DIAPH1: variants seen among roughly 807,000 people sequenced by gnomAD.
The protein encoded by DIAPH1 is diaphanous related formin 1.
In DIAPH1, 46 loss-of-function variants were observed where a neutral mutation model predicts 140.7. The ratio of observed to expected loss-of-function variants is 0.33; its 90% CI spans 0.26 to 0.42. DIAPH1 has a LOEUF of 0.42. Among genes scored for constraint, DIAPH1 ranks in the 10% least tolerant of loss-of-function variants. The pLI is 1.00. For synonymous variants in DIAPH1, 565 were observed against 551.6 expected (o/e 1.02, Z -0.34); for missense variants, 1,310 against 1,558.7 (o/e 0.84, Z 2.69).
chr5:141,522,699 A>G (rs190719399), intron 27 of DIAPH1, among the ~76,000 whole-genome samples: 15 of 152,322 alleles, frequency 9.8e-5, no homozygotes, highest in African/African-American at 3.6e-4. Context: ...GAACCTATAA[A>G]GACAAAATAC....
At chr5:141,534,033 C>CAAAAAAA (rs35815835) in intron 19 of DIAPH1, among the ~76,000 whole-genome samples, 1 of 49,982 alleles carries the variant, frequency 2.0e-5, no homozygotes, top group African/African-American at 8.4e-5. Context: ...GACTGTGTCT[C>CAAAAAAA]AAAAAAAAAA....
At position 141,548,280 on chromosome 5, in the gene DIAPH1, T is replaced by TAA. The variant is rs11377976; in HGVS notation, c.2483-13849_2483-13848dup. Among the ~76,000 whole-genome samples, 569 of 134,902 alleles carry TAA rather than the reference T, an allele frequency of 4.2e-3. 1 individual carries two copies. Among genetic ancestry groups the TAA allele is most frequent in the Middle Eastern group, 0.012 (3 of 258 alleles). The allele number at this position is 134,902 out of a possible 152,430, so 88.5% of individuals were successfully genotyped here. ...CAATAAGACTGACAGTGGAATTCTT[T>TAA]AAAAAAAAAAAAAAGAAAAAACATC... is the stretch of plus-strand genomic sequence containing the variant. On this transcript the variant is annotated intron_variant, in intron 18 of 27. Coordinates refer to ENST00000389054, the MANE Select transcript of DIAPH1 (RefSeq NM_005219.5).
intron 18 of DIAPH1, among the ~76,000 whole-genome samples, chr5:141,545,635 C>T (rs2099890678): frequency 6.6e-6 from 1 of 151,870 alleles, no homozygotes; most frequent in Non-Finnish European, 1.5e-5. Flanking sequence ...AGAATGAGAC[C>T]CTGTCTCAGA....
intron 18 of DIAPH1, among the ~76,000 whole-genome samples, chr5:141,556,571 C>T (rs1055515638): frequency 6.6e-6 from 1 of 152,214 alleles, no homozygotes; most frequent in African/African-American, 2.4e-5. Flanking sequence ...GGCATTGCTC[C>T]TTCACTTGGT....
At chr5:141,533,988 A>C (rs550913974) in intron 19 of DIAPH1, among the ~76,000 whole-genome samples, 1 of 138,082 alleles carries the variant, frequency 7.2e-6, no homozygotes, top group African/African-American at 2.7e-5. Flanking sequence ...CTGTGATCGC[A>C]TTATTACACC....
intron 1 of DIAPH1, among the ~76,000 whole-genome samples, chr5:141,589,319 C>T (rs993866860): frequency 2.0e-5 from 3 of 152,216 alleles, no homozygotes; most frequent in African/African-American, 7.2e-5. Context: ...GTGTTTATGG[C>T]CGGCTGGCCA....
At chr5:141,537,604 T>C (rs1252963852) in intron 18 of DIAPH1, among the ~76,000 whole-genome samples, 1 of 151,442 alleles carries the variant, frequency 6.6e-6, no homozygotes, top group Non-Finnish European at 1.5e-5. Context: ...TTCAGTAAGG[T>C]TGACAGATAA....
At chr5:141,552,236 C>A (rs2099891808) in intron 18 of DIAPH1, among the ~76,000 whole-genome samples, 1 of 151,764 alleles carries the variant, frequency 6.6e-6, no homozygotes, top group East Asian at 1.9e-4. Context: ...GTCACCCAGG[C>A]TGGAGAACAG....
intron 18 of DIAPH1, among the ~76,000 whole-genome samples, chr5:141,554,814 A>T (rs1166561227): frequency 6.6e-6 from 1 of 152,196 alleles, no homozygotes; most frequent in Non-Finnish European, 1.5e-5. Flanking sequence ...TCTCAACAAT[A>T]CAAAAAAAAA....
chr5:141,518,529 C>CT (rs35159859), intron 27 of DIAPH1: 95 of 138,346 alleles, frequency 6.9e-4, no homozygotes, highest in Middle Eastern at 7.3e-3. Context: ...GATAGCCCGT[C>CT]TTTTTTTTTT....
At chr5:141,613,602 C>T (rs912091708) in intron 1 of DIAPH1, among the ~76,000 whole-genome samples, 8 of 152,058 alleles carry the variant, frequency 5.3e-5, no homozygotes, top group Non-Finnish European at 1.2e-4. Context: ...TTTAAGGGTA[C>T]CATTCACAGT....
In DIAPH1 at chr5:141,565,696, T is replaced by C. The variant is rs138306960; in HGVS notation, c.2482+5732A>G. ...TTGAGGAGGAAAAAAAGGTGTGAAA[T>C]AACCTTTAGGAGAGCAGGAAATTCA... On this transcript the variant is annotated intron_variant, in intron 18 of 27. Coordinates refer to ENST00000389054, the MANE Select transcript of DIAPH1 (RefSeq NM_005219.5). The surrounding 1 kb of genome is among the most constrained non-coding windows in gnomAD (Gnocchi z 4.3). 3.8e-3 allele frequency among the ~76,000 whole-genome samples: 582 copies of C among 152,246 alleles called. 5 individuals carry two copies. Among genetic ancestry groups the C allele is most frequent in the Admixed American group, 0.011 (168 of 15,292 alleles).
At chr5:141,597,425 A>C (rs1035641549) in intron 1 of DIAPH1, among the ~76,000 whole-genome samples, 1 of 152,244 alleles carries the variant, frequency 6.6e-6, no homozygotes, top group Non-Finnish European at 1.5e-5. Context: ...ACTATCAATC[A>C]AATGTCAGCT....
At chr5:141,542,885 CAT>C (rs2099890222) in intron 18 of DIAPH1, among the ~76,000 whole-genome samples, 1 of 152,098 alleles carries the variant, frequency 6.6e-6, no homozygotes, top group Non-Finnish European at 1.5e-5. Flanking sequence ...TATTGTCTTA[CAT>C]GTTTAAAAAC....
intron 1 of DIAPH1, among the ~76,000 whole-genome samples, chr5:141,616,461 G>A (rs138192219): frequency 4.5e-4 from 68 of 152,264 alleles, no homozygotes; most frequent in African/African-American, 1.6e-3. Context: ...AGACCTTTGA[G>A]TTCAGTTTTA....
intron 18 of DIAPH1, among the ~76,000 whole-genome samples, chr5:141,541,021 C>T (rs144631069): frequency 0.018 from 2,710 of 152,202 alleles, 39 homozygotes; most frequent in South Asian, 0.029. Flanking sequence ...GATCATGCCA[C>T]TGCACTCCAG....
At chr5:141,615,242 T>A (rs1386783488) in intron 1 of DIAPH1, among the ~76,000 whole-genome samples, 2 of 150,514 alleles carry the variant, frequency 1.3e-5, no homozygotes, top group African/African-American at 4.9e-5. Flanking sequence ...AAGACCAGCC[T>A]GGCCAACATG....
In DIAPH1 at chr5:141,527,714, A is replaced by AC. The variant is rs773806584; in HGVS notation, c.3149-18_3149-17insG. On this transcript the variant is annotated splice_polypyrimidine_tract_variant and intron_variant, in intron 23 of 27. Coordinates refer to ENST00000389054, the MANE Select transcript of DIAPH1 (RefSeq NM_005219.5). ...CAGCAGAAACTAAAAAAAAAAAAAA[A>AC]AAAAAAAACCATAAAAACAGACAGC... 8 of 1,566,978 alleles carry AC rather than the reference A, an allele frequency of 5.1e-6. No homozygotes were observed. The highest frequency in any genetic ancestry group is 5.2e-6 in the Non-Finnish European group (6 of 1,158,626).
At chr5:141,556,251 C>T (rs1412554242) in intron 18 of DIAPH1, among the ~76,000 whole-genome samples, 1 of 152,014 alleles carries the variant, frequency 6.6e-6, no homozygotes, top group Non-Finnish European at 1.5e-5. Flanking sequence ...CTGTAAAAGT[C>T]CATGAAGTGC....
Sources: allele counts gnomAD v4.1 joint callset (sites outside exome capture counted in the v4.1 genomes callset), GRCh38; gene constraint gnomAD v4.1.1; non-coding constraint Gnocchi (gnomAD v3.1); transcripts MANE v1.5; gene names NCBI Gene and HGNC (gene_info 2026-07-23, HGNC 2026-07-21).